CDH6: variants seen among roughly 807,000 people sequenced by gnomAD.
CDH6 encodes cadherin 6, also known as cadherin-6.
CDH6 carries 31 observed loss-of-function variants against 78.0 expected under a neutral mutation model. The ratio of observed to expected loss-of-function variants is 0.40; its 90% CI spans 0.30 to 0.54. CDH6 has a LOEUF of 0.54. Ranked by LOEUF, CDH6 falls within the 20% of genes least tolerant of loss-of-function variation. The pLI is 0.56. For missense variants in CDH6, 724 were observed against 975.9 expected, an observed-to-expected ratio of 0.74 and a Z score of 3.44; for synonymous variants, 376 against 368.8, an observed-to-expected ratio of 1.02 and a Z score of -0.23.
At chr5:31,275,723 T>C (rs1742671855) in intron 2 of CDH6, among the ~76,000 whole-genome samples, 1 of 152,200 alleles carries the variant, frequency 6.6e-6, no homozygotes. Flanking sequence ...TTGACTAAAT[T>C]TTATTTCAAA....
chr5:31,318,754 G>A (rs1302431352), intron 11 of CDH6: 1 of 225,994 alleles, frequency 4.4e-6, no homozygotes, highest in Non-Finnish European at 8.8e-6. Flanking sequence ...GAAAAGAAAA[G>A]GTAAGAAGTT....
intron 4 of CDH6, among the ~76,000 whole-genome samples, chr5:31,299,135 A>C (rs978933571): frequency 6.6e-6 from 1 of 152,166 alleles, no homozygotes; most frequent in African/African-American, 2.4e-5. Context: ...CTGCTGTGTC[A>C]TCTTATAACA....
In CDH6 at chr5:31,325,321, T is replaced by TACACACACAC. The variant is rs3840334; in HGVS notation, c.*2038_*2047dup. The TACACACACAC allele has an allele frequency of 4.7e-6, 1 of 214,250 alleles. No individual in the cohort carries two copies. The highest frequency in any genetic ancestry group is 2.3e-5 in the African/African-American group (1 of 43,674). 13.3% of individuals were successfully genotyped at this position (214,250 alleles called of 1,614,324 possible). A position where few individuals can be genotyped will look rare whatever the true frequency, so the allele number is the denominator to read the frequency against. ...TTTTCTAGTTCTTCATACACACACATACACACACACACACACACACACACA... is the reference window on the plus strand; with the variant it reads ...TTTTCTAGTTCTTCATACACACACATACACACACACACACACACACACACACACACACACA... On this transcript the variant is annotated 3_prime_UTR_variant, in exon 12 of 12. Transcript: ENST00000265071.
At chr5:31,319,472 G>T (rs1161612275) in intron 11 of CDH6, among the ~76,000 whole-genome samples, 3 of 152,240 alleles carry the variant, frequency 2.0e-5, no homozygotes, top group African/African-American at 7.2e-5. Context: ...ACCATTTGGT[G>T]TATAATTATC....
In CDH6 at chr5:31,317,417, A is replaced by G. The variant is rs1303000315; in HGVS notation, c.1555A>G (p.Ser519Gly). 2.5e-6 allele frequency: 4 copies of G among 1,610,678 alleles called. No individual in the cohort carries two copies. Among genetic ancestry groups the G allele is most frequent in the Non-Finnish European group, 3.4e-6 (4 of 1,176,898 alleles). ...TGCTGTTGACAAGGATGACCCTTAT[A>G]GTGGACACCAATTTTCGTTTTCCTT... The part of the protein sequence containing the change: ...LHAVDKDDPY[S>G]GHQFSFSLAP... The change falls in exon 10 of 12, where the codon AGT (serine) becomes GGT (glycine). Residue 519 changes from serine to glycine, a missense_variant. By Grantham distance (56) the Ser-to-Gly change is moderately conservative. Transcript: ENST00000265071.
At chr5:31,200,878 C>G (rs1740333606) in intron 1 of CDH6, among the ~76,000 whole-genome samples, 2 of 152,230 alleles carry the variant, frequency 1.3e-5, no homozygotes, top group South Asian at 4.2e-4. Flanking sequence ...AAAGTTTGAT[C>G]ATTAGAAATA....
intron 11 of CDH6, 196 bp downstream of exon 11, chr5:31,318,120 T>A: frequency 1.5e-6 from 1 of 653,230 alleles, no homozygotes; most frequent in Non-Finnish European, 2.7e-6. Context: ...TGAACAGATG[T>A]GAAACTTGCT....
At chr5:31,290,734 G>C (rs1388414566) in intron 2 of CDH6, among the ~76,000 whole-genome samples, 1 of 152,148 alleles carries the variant, frequency 6.6e-6, no homozygotes, top group African/African-American at 2.4e-5. Context: ...AGAAAAAGCA[G>C]AGGCTTTGGG....
intron 6 of CDH6, among the ~76,000 whole-genome samples, chr5:31,303,904 G>C (rs1015629145): frequency 1.1e-4 from 16 of 152,102 alleles, no homozygotes; most frequent in African/African-American, 3.9e-4. Flanking sequence ...TTTTCTTGGT[G>C]CCTTATCAGA....
intron 2 of CDH6, among the ~76,000 whole-genome samples, chr5:31,286,831 G>A (rs1460597057): frequency 2.0e-5 from 3 of 152,084 alleles, no homozygotes; most frequent in Non-Finnish European, 4.4e-5. Context: ...CATGGACCAG[G>A]GTGACAGCAG....
At chr5:31,245,899 C>CTTTTTTTTTTTT in intron 1 of CDH6, among the ~76,000 whole-genome samples, 1 of 87,670 alleles carries the variant, frequency 1.1e-5, no homozygotes, top group Non-Finnish European at 2.0e-5. Context: ...CTCTCTCTCT[C>CTTTTTTTTTTTT]TTTTTTTTTT....
chr5:31,298,732 A>G (rs368552322), intron 4 of CDH6, among the ~76,000 whole-genome samples: 5 of 152,344 alleles, frequency 3.3e-5, no homozygotes, highest in African/African-American at 1.2e-4. Flanking sequence ...TAACTATTTT[A>G]TAACAACCTA....
At chr5:31,230,724 ACAAC>A (rs1260590408) in intron 1 of CDH6, among the ~76,000 whole-genome samples, 5 of 152,212 alleles carry the variant, frequency 3.3e-5, no homozygotes, top group African/African-American at 1.2e-4. Context: ...CTCAAGTAGA[ACAAC>A]AAATCCATTG....
At chr5:31,229,546 T>C (rs1342246650) in intron 1 of CDH6, among the ~76,000 whole-genome samples, 1 of 152,222 alleles carries the variant, frequency 6.6e-6, no homozygotes, top group East Asian at 1.9e-4. Context: ...TTTATAGGTC[T>C]CTAGTTCCCC....
At chr5:31,224,853 C>A (rs1453999388) in intron 1 of CDH6, among the ~76,000 whole-genome samples, 1 of 152,206 alleles carries the variant, frequency 6.6e-6, no homozygotes, top group African/African-American at 2.4e-5. Context: ...TCTCAATACT[C>A]TTTTTAGCCT....
In CDH6 at chr5:31,299,528, T is replaced by G. The variant is rs1346855200; in HGVS notation, c.708T>G (p.Ile236Met). The G allele has an allele frequency of 6.2e-7, 1 of 1,613,898 alleles. No homozygotes were observed. Among genetic ancestry groups the G allele is most frequent in the African/African-American group, 1.3e-5 (1 of 75,016 alleles). ...RENREQYQVV[I>M]QAKDMGGQMG... is the part of the protein sequence containing the mutation. ...ACAGGGAGCAGTACCAAGTGGTGAT[T>G]CAAGCCAAGGATATGGGCGGCCAGA... The change falls in exon 5 of 12, where the codon ATT becomes ATG. Residue 236 changes from isoleucine (I) to methionine (M), a missense_variant. Ile to Met is a conservative substitution (Grantham distance 10). Around this residue, in one of 3 missense-constraint regions of CDH6, gnomAD observed 446 missense variants for 684.5 expected, o/e 0.65. Transcript: ENST00000265071.
chr5:31,310,655 G>A (rs1738121749), intron 7 of CDH6, among the ~76,000 whole-genome samples: 1 of 152,220 alleles, frequency 6.6e-6, no homozygotes, highest in Non-Finnish European at 1.5e-5. Flanking sequence ...TAAATCCTCT[G>A]AAATCTAGGT....
At chr5:31,285,227 T>C (rs1356703363) in intron 2 of CDH6, among the ~76,000 whole-genome samples, 1 of 152,208 alleles carries the variant, frequency 6.6e-6, no homozygotes, top group Non-Finnish European at 1.5e-5. Flanking sequence ...CCCAGGCACA[T>C]ACTCAAGACC....
chr5:31,223,113 A>G (rs897424901), intron 1 of CDH6, among the ~76,000 whole-genome samples: 1 of 152,124 alleles, frequency 6.6e-6, no homozygotes, highest in Non-Finnish European at 1.5e-5. Flanking sequence ...TACCTGAAAA[A>G]AATACATCTC....
Sources: gnomAD v4.1 joint callset for allele counts (sites outside exome capture counted in the v4.1 genomes callset) on GRCh38, gnomAD v4.1.1 for gene constraint, gnomAD v4.1.1 regional missense constraint, MANE v1.5 for transcripts, NCBI Gene and HGNC (gene_info 2026-07-23, HGNC 2026-07-21) for gene names.